NAA50: variants seen among roughly 807,000 people sequenced by gnomAD.
The protein encoded by NAA50 is N-alpha-acetyltransferase 50, NatE catalytic subunit.
Under a neutral mutation model 20.7 loss-of-function variants are expected in NAA50, and 7 were observed. That is an observed-to-expected ratio of 0.34 (90% CI 0.19 to 0.63). NAA50 has a LOEUF of 0.63. NAA50 is among the 30% of genes least tolerant of loss of function. The pLI is 0.75. For synonymous variants in NAA50, 54 were observed against 70.6 expected, an observed-to-expected ratio of 0.77 and a Z score of 1.18; for missense variants, 111 against 199.1, an observed-to-expected ratio of 0.56 and a Z score of 2.66.
intron 1 of NAA50, among the ~76,000 whole-genome samples, chr3:113,726,456 G>A (rs912071874): frequency 6.6e-6 from 1 of 150,984 alleles, no homozygotes; most frequent in African/African-American, 2.4e-5. Context: ...AATCTACTGG[G>A]CTCACTTTCC....
chr3:113,723,375 A>T, intron 3 of NAA50, 47 bp downstream of exon 3: 1 of 1,549,898 alleles, frequency 6.5e-7, no homozygotes, highest in African/African-American at 1.4e-5. Flanking sequence ...TTAACAAATA[A>T]TATGTTTATG....
At chr3:113,730,167 G>A (rs1708253709) in intron 1 of NAA50, among the ~76,000 whole-genome samples, 1 of 152,018 alleles carries the variant, frequency 6.6e-6, no homozygotes, top group African/African-American at 2.4e-5. Flanking sequence ...CAGGTGTGGT[G>A]GCGCGTGCCT....
At position 113,721,688 on chromosome 3, in the gene NAA50, TG is replaced by T; in HGVS notation, c.*71del. 1 of 1,491,184 alleles carries T rather than the reference TG, an allele frequency of 6.7e-7. No individual in the cohort carries two copies. The highest frequency in any genetic ancestry group is 9.3e-7 in the Non-Finnish European group (1 of 1,074,890). 92.4% of individuals were successfully genotyped at this position (1,491,184 alleles called of 1,614,324 possible). On this transcript the variant is annotated 3_prime_UTR_variant, in exon 5 of 5. Transcript: ENST00000240922. ...AAGCTTTAAAAGAAAAGTGTTGGGG[TG>T]GGGGAGGAATCAATGGGCCTCTCTT...
Position 113,746,007 on chromosome 3 carries a change from C to T in NAA50, c.-58G>A, listed in dbSNP as rs1708493100. On this transcript the variant is annotated 5_prime_UTR_variant, in exon 1 of 5. Transcript: ENST00000240922. ...GATATCAACGCCGTCGTAGTCGCCG[C>T]CCTTAGGTCTCCGCACCCTTAGCTC... 1 of 1,602,790 alleles carries T rather than the reference C, an allele frequency of 6.2e-7. No homozygotes were observed. The highest frequency in any genetic ancestry group is 1.3e-5 in the African/African-American group (1 of 74,842).
At chr3:113,728,627 C>T (rs1018249138) in intron 1 of NAA50, among the ~76,000 whole-genome samples, 1 of 152,174 alleles carries the variant, frequency 6.6e-6, no homozygotes, top group Non-Finnish European at 1.5e-5. Context: ...GAAAAAGAAC[C>T]AATTTTATGA....
At chr3:113,723,230 A>G (rs1708158637) in intron 3 of NAA50, among the ~76,000 whole-genome samples, 192 bp downstream of exon 3, 1 of 152,206 alleles carries the variant, frequency 6.6e-6, no homozygotes, top group Non-Finnish European at 1.5e-5. Context: ...GGACGTAAAC[A>G]GCAAATCTAT....
intron 1 of NAA50, among the ~76,000 whole-genome samples, chr3:113,728,985 TTTC>T (rs1708235860): frequency 6.6e-6 from 1 of 151,774 alleles, no homozygotes; most frequent in Non-Finnish European, 1.5e-5. Flanking sequence ...CTTTTTTCCT[TTTC>T]TTTTTTTTTT....
chr3:113,723,377 A>G (rs764430478), intron 3 of NAA50, 45 bp downstream of exon 3: 2 of 1,548,958 alleles, frequency 1.3e-6, no homozygotes, highest in Non-Finnish European at 1.7e-6. Flanking sequence ...AACAAATAAT[A>G]TGTTTATGCT....
At chr3:113,745,097 A>G (rs1708472289) in intron 1 of NAA50, among the ~76,000 whole-genome samples, 1 of 152,224 alleles carries the variant, frequency 6.6e-6, no homozygotes, top group Non-Finnish European at 1.5e-5. Context: ...AATGTTACGT[A>G]ATTAATACAT....
chr3:113,725,226 T>C (rs954600537), intron 1 of NAA50, among the ~76,000 whole-genome samples: 2 of 152,214 alleles, frequency 1.3e-5, no homozygotes, highest in African/African-American at 4.8e-5. Context: ...GTGGATCAAA[T>C]GTGATAAGGC....
chr3:113,723,322 T>C, intron 3 of NAA50, 100 bp downstream of exon 3: 1 of 1,132,636 alleles, frequency 8.8e-7, no homozygotes, highest in Non-Finnish European at 1.2e-6. Flanking sequence ...CCTTTCTCAG[T>C]ATTCCTTAAA....
At chr3:113,729,546 C>CTT (rs564619731) in intron 1 of NAA50, among the ~76,000 whole-genome samples, 9 of 94,482 alleles carry the variant, frequency 9.5e-5, no homozygotes, top group Admixed American at 2.7e-4. Flanking sequence ...TTCTTTCTTT[C>CTT]TTTTTTTTTT....
intron 1 of NAA50, among the ~76,000 whole-genome samples, chr3:113,739,770 A>G (rs1708388835): frequency 6.6e-6 from 1 of 152,222 alleles, no homozygotes; most frequent in African/African-American, 2.4e-5. Flanking sequence ...ACATTTAGAA[A>G]TATCTACCAT....
chr3:113,730,850 AT>A (rs1393544627), intron 1 of NAA50, among the ~76,000 whole-genome samples: 1 of 152,218 alleles, frequency 6.6e-6, no homozygotes, highest in Non-Finnish European at 1.5e-5. Flanking sequence ...GTTGTTTACA[AT>A]TTTAGGTAAC....
intron 4 of NAA50, among the ~76,000 whole-genome samples, chr3:113,722,444 A>G (rs770901939): frequency 3.9e-5 from 6 of 152,132 alleles, no homozygotes; most frequent in Admixed American, 6.5e-5. Flanking sequence ...CATGACTGTG[A>G]TCTTAGTCAT....
At chr3:113,737,001 A>G (rs573102945) in intron 1 of NAA50, among the ~76,000 whole-genome samples, 1 of 152,324 alleles carries the variant, frequency 6.6e-6, no homozygotes, top group South Asian at 2.1e-4. Flanking sequence ...CCTTCATTTT[A>G]CAGATGATGA....
chr3:113,730,380 T>A (rs566722485), intron 1 of NAA50, among the ~76,000 whole-genome samples: 9 of 152,144 alleles, frequency 5.9e-5, no homozygotes, highest in African/African-American at 1.9e-4. Context: ...TTGTACCAAG[T>A]ATTAACTGTT....
chr3:113,745,956 C>T lies in NAA50; in HGVS notation c.-7G>A, dbSNP rs1708491893. 5 of 1,606,496 alleles carry T rather than the reference C, an allele frequency of 3.1e-6. No individual in the cohort carries two copies. The highest frequency in any genetic ancestry group is 3.4e-6 in the Non-Finnish European group (4 of 1,179,508). On this transcript the variant is annotated 5_prime_UTR_variant, in exon 1 of 5. Transcript: ENST00000240922. ...CCCTTCCTCACCCTTTCATCTTCCC[C>T]GCCTGCTGAGGCCGTCGTTACCACC...
At chr3:113,734,982 T>C (rs1021593172) in intron 1 of NAA50, among the ~76,000 whole-genome samples, 4 of 152,184 alleles carry the variant, frequency 2.6e-5, no homozygotes, top group African/African-American at 9.6e-5. Flanking sequence ...TAAAGGGAAA[T>C]GCACTTGGAC....
Sources: gnomAD v4.1 joint callset for allele counts (sites outside exome capture counted in the v4.1 genomes callset) on GRCh38, gnomAD v4.1.1 for gene constraint, MANE v1.5 for transcripts, NCBI Gene and HGNC (gene_info 2026-07-23, HGNC 2026-07-21) for gene names.